Variants in COLGALT2 observed in about 807,000 individuals in gnomAD.
COLGALT2 encodes collagen beta(1-O)galactosyltransferase 2.
A neutral mutation model predicts 73.4 loss-of-function variants in COLGALT2; 49 were observed. The observed-to-expected ratio is 0.67, with a 90% CI of 0.53 to 0.85. The LOEUF (loss-of-function observed/expected upper bound fraction) is 0.85, where lower values mean the gene tolerates loss of function less well. COLGALT2 is among the 40% of genes least tolerant of loss of function. COLGALT2 has a pLI of 0.00. For missense variants in COLGALT2, 722 were observed against 790.2 expected (o/e 0.91, Z 1.03); for synonymous variants, 295 against 307.6 (o/e 0.96, Z 0.43).
intron 1 of COLGALT2, among the ~76,000 whole-genome samples, chr1:183,994,634 T>C (rs754394973): frequency 2.6e-5 from 4 of 152,104 alleles, no homozygotes; most frequent in Admixed American, 1.3e-4. Context: ...TTTGTATTTT[T>C]AGTAGAGACG....
chr1:183,993,462 A>T (rs1671685555), intron 1 of COLGALT2, among the ~76,000 whole-genome samples: 1 of 152,218 alleles, frequency 6.6e-6, no homozygotes, highest in Non-Finnish European at 1.5e-5. Context: ...CCAAATTAGA[A>T]ATCCAGCAAG....
chr1:184,011,856 A>T (rs1228699628), intron 1 of COLGALT2, among the ~76,000 whole-genome samples: 1 of 152,248 alleles, frequency 6.6e-6, no homozygotes, highest in Non-Finnish European at 1.5e-5. Flanking sequence ...GTAACTGACC[A>T]GCAGGGTTTG....
chr1:183,994,558 G>A (rs904027936), intron 1 of COLGALT2, among the ~76,000 whole-genome samples: 1 of 151,562 alleles, frequency 6.6e-6, no homozygotes. Context: ...AGGTTCAAGC[G>A]ATTCTCCTGC....
chr1:183,938,757 G>C lies in COLGALT2; in HGVS notation c.*4C>G. 1.9e-6 allele frequency: 3 copies of C among 1,613,948 alleles called. No individual in the cohort carries two copies. The highest frequency in any genetic ancestry group is 2.5e-6 in the Non-Finnish European group (3 of 1,179,890). ...CTGATGTGGGCCACACTCCCAGGGAGCCTTCATAGCTCATCCCTTGAAGGC... is the reference window on the plus strand; with the variant it reads ...CTGATGTGGGCCACACTCCCAGGGACCCTTCATAGCTCATCCCTTGAAGGC... On this transcript the variant is annotated 3_prime_UTR_variant, in exon 12 of 12. Transcript: ENST00000361927.
chr1:184,012,263 A>G (rs1335193191), intron 1 of COLGALT2, among the ~76,000 whole-genome samples: 1 of 152,222 alleles, frequency 6.6e-6, no homozygotes, highest in Non-Finnish European at 1.5e-5. Context: ...AAAACACTGT[A>G]AAATATTGTA....
chr1:183,964,927 G>A (rs1019108830), intron 5 of COLGALT2, among the ~76,000 whole-genome samples: 2 of 152,300 alleles, frequency 1.3e-5, no homozygotes, highest in African/African-American at 4.8e-5. Flanking sequence ...TGCGATAATT[G>A]TCAGTGTTTT....
rs542322155 is a variant in COLGALT2 at position 184,005,898 on chromosome 1, C to A, written c.264-27378G>T. ...AGAGAAAGTCAACAGGACCCGGTGG[C>A]AAATTTTAATCTGTTTGCTATCATA... On this transcript the variant is annotated intron_variant, in intron 1 of 11. Transcript: ENST00000361927. Among the ~76,000 whole-genome samples, 10 of 152,252 alleles carry A rather than the reference C, an allele frequency of 6.6e-5. No individual in the cohort carries two copies. In the South Asian group the frequency reaches 1.9e-3, roughly 28 times the overall value.
chr1:184,029,227 T>C (rs1314929560), intron 1 of COLGALT2, among the ~76,000 whole-genome samples: 1 of 152,252 alleles, frequency 6.6e-6, no homozygotes, highest in South Asian at 2.1e-4. Context: ...TTATTACCTA[T>C]AATGAGATTT....
At chr1:183,977,779 G>T (rs1309610508) in intron 2 of COLGALT2, among the ~76,000 whole-genome samples, 1 of 143,704 alleles carries the variant, frequency 7.0e-6, no homozygotes, top group Non-Finnish European at 1.5e-5. Context: ...GACAGAGTGA[G>T]ACCCTGTCTT....
intron 1 of COLGALT2, among the ~76,000 whole-genome samples, chr1:184,013,329 A>T (rs1289931149): frequency 1.3e-5 from 2 of 152,114 alleles, no homozygotes; most frequent in Non-Finnish European, 2.9e-5. Flanking sequence ...CAAACAAACA[A>T]ACAAAACAGC....
intron 5 of COLGALT2, 23 bp downstream of exon 5, chr1:183,969,246 C>T (rs1419996670): frequency 1.3e-6 from 2 of 1,589,204 alleles, no homozygotes; most frequent in Admixed American, 1.7e-5. Context: ...CATTGTGGCA[C>T]TACAACCAAA....
At chr1:183,988,572 A>T (rs550139029) in intron 1 of COLGALT2, among the ~76,000 whole-genome samples, 1 of 152,110 alleles carries the variant, frequency 6.6e-6, no homozygotes, top group Admixed American at 6.5e-5. Context: ...GTCCTTTCTT[A>T]TCAATGGAAT....
At position 184,027,537 on chromosome 1, in the gene COLGALT2, C is replaced by A. The variant is rs75094720; in HGVS notation, c.263+9558G>T. 5.4e-3 allele frequency among the ~76,000 whole-genome samples: 827 copies of A among 152,290 alleles called. 5 individuals are homozygous for A. The highest frequency in any genetic ancestry group is 0.019 in the African/African-American group (780 of 41,562). On this transcript the variant is annotated intron_variant, in intron 1 of 11. Transcript: ENST00000361927. ...ACTAGTTGAATCCAGCAGCCTTACA[C>A]TAAAGGGTTGGCAGAACAATGGTAA...
In COLGALT2 at chr1:184,013,747, A is replaced by AG. The variant is rs112446020; in HGVS notation, c.263+23347dup. On this transcript the variant is annotated intron_variant, in intron 1 of 11. Coordinates refer to ENST00000361927, the MANE Select transcript of COLGALT2 (RefSeq NM_015101.4). ...TGTGTATAATGGATGAATTGGTGGG[A>AG]GGGGGGGTAAAACAGAGGGGCAGAG... Among the ~76,000 whole-genome samples the AG allele has an allele frequency of 5.0e-3, 757 of 151,580 alleles. 17 individuals carry two copies. Among genetic ancestry groups the AG allele is most frequent in the East Asian group, 0.043 (219 of 5,144 alleles).
intron 1 of COLGALT2, among the ~76,000 whole-genome samples, chr1:183,985,726 G>A (rs753015920): frequency 2.0e-5 from 3 of 152,152 alleles, no homozygotes; most frequent in Non-Finnish European, 2.9e-5. Context: ...GACAACGACT[G>A]ATCTATTGAT....
chr1:184,001,686 T>C (rs965098642), intron 1 of COLGALT2, among the ~76,000 whole-genome samples: 1 of 152,234 alleles, frequency 6.6e-6, no homozygotes, highest in Admixed American at 6.5e-5. Context: ...ATAATCAAAT[T>C]TTCCCCAGCA....
Position 184,037,176 on chromosome 1 carries a change from G to A in COLGALT2, c.182C>T (p.Ala61Val), listed in dbSNP as rs1557870847. Residue 61 changes from alanine (A) to valine (V), a missense_variant, in exon 1 of 12, where the codon GCC becomes GTC. Transcript: ENST00000361927. ...QSPTVLVAVLARNAAHTLPHF... is the reference protein window; with the variant it reads ...QSPTVLVAVLVRNAAHTLPHF... ...CGGCAGCGTGTGCGCCGCGTTGCGG[G>A]CGAGGACCGCCACGAGCACCGTGGG... 1.2e-6 allele frequency: 2 copies of A among 1,604,862 alleles called. No homozygotes were observed. The highest frequency in any genetic ancestry group is 1.7e-6 in the Non-Finnish European group (2 of 1,177,242).
At chr1:183,988,603 T>C (rs1004212785) in intron 1 of COLGALT2, among the ~76,000 whole-genome samples, 98 of 152,362 alleles carry the variant, frequency 6.4e-4, no homozygotes, top group African/African-American at 2.2e-3. Flanking sequence ...TGGCCTTTTG[T>C]GTCTGCCTTC....
intron 7 of COLGALT2, among the ~76,000 whole-genome samples, chr1:183,951,471 C>T (rs1670400781): frequency 6.6e-6 from 1 of 152,130 alleles, no homozygotes; most frequent in Non-Finnish European, 1.5e-5. Context: ...CACCAAAAAA[C>T]CATTAGAATT....
Sources: allele counts gnomAD v4.1 joint callset (sites outside exome capture counted in the v4.1 genomes callset), GRCh38; gene constraint gnomAD v4.1.1; transcripts MANE v1.5; gene names NCBI Gene and HGNC (gene_info 2026-07-23, HGNC 2026-07-21).